Variants in CREB5 observed in about 807,000 individuals in gnomAD.
CREB5 encodes the protein cyclic AMP-responsive element-binding protein 5.
Under a neutral mutation model 57.1 loss-of-function variants are expected in CREB5, and 19 were observed. The ratio of observed to expected loss-of-function variants is 0.33; its 90% CI spans 0.23 to 0.49. The LOEUF (loss-of-function observed/expected upper bound fraction) is 0.49. Ranked by LOEUF, CREB5 falls within the 20% of genes least tolerant of loss-of-function variation. CREB5 has a pLI of 0.99. For missense variants in CREB5, 579 were observed against 671.6 expected (o/e 0.86, Z 1.52); for synonymous variants, 238 against 238.3 (o/e 1.00, Z 0.01).
chr7:28,560,879 C>CGTGCGTGCGCGCGTGCGT, intron 4 of CREB5, among the ~76,000 whole-genome samples: 1 of 22,054 alleles, frequency 4.5e-5, no homozygotes, highest in South Asian at 2.8e-3. Flanking sequence ...CGTGCGCGTG[C>CGTGCGTGCGCGCGTGCGT]GTGCGTGCGT....
At position 28,412,683 on chromosome 7, in the gene CREB5, A is replaced by G. The variant is rs1243329954; in HGVS notation, c.-232A>G. Reference sequence around the variant, plus strand: ...AAACTTAGAGAACGAGGGAGGTACCAGAGTCTAGGAGGTACCTCTGGGTTG... The same window carrying G: ...AAACTTAGAGAACGAGGGAGGTACCGGAGTCTAGGAGGTACCTCTGGGTTG... On this transcript the variant is annotated 5_prime_UTR_variant, in exon 1 of 11. Coordinates refer to ENST00000357727, the MANE Select transcript of CREB5 (RefSeq NM_182898.4). 3 of 385,046 alleles carry G rather than the reference A, an allele frequency of 7.8e-6. No homozygotes were observed. Among genetic ancestry groups the G allele is most frequent in the Non-Finnish European group, 1.4e-5 (3 of 217,696 alleles). 23.9% of individuals were successfully genotyped at this position (385,046 alleles called of 1,614,324 possible).
intron 1 of CREB5, among the ~76,000 whole-genome samples, chr7:28,421,282 T>C (rs1788235376): frequency 6.6e-6 from 1 of 152,214 alleles, no homozygotes; most frequent in African/African-American, 2.4e-5. Flanking sequence ...CCTAGGATAA[T>C]GGCCTCAGTT....
intron 1 of CREB5, among the ~76,000 whole-genome samples, chr7:28,353,476 A>G (rs947768241): frequency 7.2e-5 from 11 of 152,204 alleles, no homozygotes; most frequent in Non-Finnish European, 1.3e-4. Flanking sequence ...AACAAGGAAG[A>G]CTAGCCGGGT....
chr7:28,515,323 T>C (rs1275929626), intron 4 of CREB5, among the ~76,000 whole-genome samples: 1 of 152,192 alleles, frequency 6.6e-6, no homozygotes, highest in Admixed American at 6.5e-5. Context: ...TGCCTCCCTG[T>C]CTTTTGGATG....
chr7:28,619,783 T>C (rs28569059), intron 5 of CREB5, among the ~76,000 whole-genome samples: 2,411 of 152,240 alleles, frequency 0.016, 59 homozygotes, highest in African/African-American at 0.054. Context: ...TTTCCAAGTC[T>C]TGTGGGGAGC....
At chr7:28,441,863 G>T (rs1789198430) in intron 1 of CREB5, among the ~76,000 whole-genome samples, 2 of 152,152 alleles carry the variant, frequency 1.3e-5, no homozygotes, top group African/African-American at 4.8e-5. Flanking sequence ...GATACAGAGT[G>T]ATATTTTGTA....
chr7:28,727,775 G>C (rs1803406382), intron 7 of CREB5, among the ~76,000 whole-genome samples: 5 of 152,134 alleles, frequency 3.3e-5, no homozygotes. Context: ...AAATGATGGA[G>C]GGCTCTGACC....
chr7:28,560,987 T>TGCGTGTGTGCGCGTGCGTGTGTGC lies in CREB5; in HGVS notation c.292-9377_292-9376insCGTGTGTGCGCGTGCGTGTGTGCG, dbSNP rs1212595303. On this transcript the variant is annotated intron_variant, in intron 4 of 10. Transcript: ENST00000357727. ...GTGTGTGTGTGCGTGTGTGCGTGCGTGTGTGTGCCTGCGTGTGCGTGTGTG... is the reference window on the plus strand; with the variant it reads ...GTGTGTGTGTGCGTGTGTGCGTGCGTGCGTGTGTGCGCGTGCGTGTGTGCGTGTGTGCCTGCGTGTGCGTGTGTG... 4.7e-5 allele frequency among the ~76,000 whole-genome samples: 3 copies of TGCGTGTGTGCGCGTGCGTGTGTGC among 64,454 alleles called. 1 individual carries two copies. The highest frequency in any genetic ancestry group is 1.1e-4 in the Non-Finnish European group (3 of 28,414). The allele number at this position is 64,454 out of a possible 152,430, so 42.3% of individuals were successfully genotyped here. A position where few individuals can be genotyped will look rare whatever the true frequency, so the allele number is the denominator to read the frequency against.
At chr7:28,633,216 G>T (rs1798271407) in intron 5 of CREB5, among the ~76,000 whole-genome samples, 1 of 152,148 alleles carries the variant, frequency 6.6e-6, no homozygotes, top group Non-Finnish European at 1.5e-5. Context: ...AAACAGACTG[G>T]TTGGCTATAT....
chr7:28,638,898 C>A (rs1583461330), intron 5 of CREB5, among the ~76,000 whole-genome samples: 1 of 152,122 alleles, frequency 6.6e-6, no homozygotes, highest in African/African-American at 2.4e-5. Context: ...TACTTCTTCC[C>A]AAATCCCAGA....
chr7:28,374,745 T>C (rs1385388252), intron 1 of CREB5, among the ~76,000 whole-genome samples: 2 of 152,134 alleles, frequency 1.3e-5, no homozygotes, highest in East Asian at 1.9e-4. Context: ...TCGTCAGTCA[T>C]AGTATTATAG....
Position 28,555,757 on chromosome 7 carries a change from A to C in CREB5, c.292-14608A>C, listed in dbSNP as rs181424215. Among the ~76,000 whole-genome samples, 4 of 152,340 alleles carry C rather than the reference A, an allele frequency of 2.6e-5. No individual in the cohort carries two copies. The East Asian group carries it at 7.7e-4, about 29-fold the overall frequency. ...GGGAAAGTTACAAAGCCTTTTGTCCAGGAATTCACTTACTGAAAGCTCCAG... is the reference window on the plus strand; with the variant it reads ...GGGAAAGTTACAAAGCCTTTTGTCCCGGAATTCACTTACTGAAAGCTCCAG... On this transcript the variant is annotated intron_variant, in intron 4 of 10. Coordinates refer to ENST00000357727, the MANE Select transcript of CREB5 (RefSeq NM_182898.4).
chr7:28,406,065 T>C (rs1787573621), intron 1 of CREB5, among the ~76,000 whole-genome samples: 1 of 152,140 alleles, frequency 6.6e-6, no homozygotes, highest in African/African-American at 2.4e-5. Context: ...AAAGAGACCA[T>C]TTTTTGTTTT....
intron 5 of CREB5, among the ~76,000 whole-genome samples, chr7:28,656,488 A>G (rs1799337912): frequency 6.6e-6 from 1 of 152,210 alleles, no homozygotes; most frequent in Non-Finnish European, 1.5e-5. Context: ...CTGCTTTGCA[A>G]TATTTCTAAG....
intron 1 of CREB5, among the ~76,000 whole-genome samples, chr7:28,343,611 A>G (rs1025950862): frequency 6.6e-6 from 1 of 152,136 alleles, no homozygotes; most frequent in Non-Finnish European, 1.5e-5. Flanking sequence ...CATTTTCTTT[A>G]TCCATTCATC....
chr7:28,451,128 A>G (rs1452572022), intron 1 of CREB5, among the ~76,000 whole-genome samples: 1 of 152,094 alleles, frequency 6.6e-6, no homozygotes, highest in Non-Finnish European at 1.5e-5. Context: ...GTGTCTATGG[A>G]GTGGGTGTGA....
chr7:28,635,135 G>A (rs191136914), intron 5 of CREB5, among the ~76,000 whole-genome samples: 20 of 152,236 alleles, frequency 1.3e-4, no homozygotes, highest in Admixed American at 1.2e-3. Context: ...AAGCTAGGAG[G>A]CCAAAGGCTT....
intron 4 of CREB5, among the ~76,000 whole-genome samples, chr7:28,532,759 A>G (rs1466825059): frequency 2.0e-5 from 3 of 152,238 alleles, no homozygotes; most frequent in Admixed American, 6.5e-5. Flanking sequence ...AGAGCACAGA[A>G]TTCCAAGCCA....
rs76533740 is a variant in CREB5 at position 28,450,841 on chromosome 7, G to A, written c.4-37334G>A. Among the ~76,000 whole-genome samples, 639 of 152,320 alleles carry A rather than the reference G, an allele frequency of 4.2e-3. 1 individual carries two copies. The highest frequency in any genetic ancestry group is 0.015 in the African/African-American group (606 of 41,558). ...TTTCTGATGTGATCGGGTGTTTGGA[G>A]TGGTTGGTGATGAAGTAGATGCATA... On this transcript the variant is annotated intron_variant, in intron 1 of 10. Coordinates refer to ENST00000357727, the MANE Select transcript of CREB5 (RefSeq NM_182898.4).
Sources: gnomAD v4.1 joint callset for allele counts (sites outside exome capture counted in the v4.1 genomes callset) on GRCh38, gnomAD v4.1.1 for gene constraint, MANE v1.5 for transcripts, NCBI Gene and HGNC (gene_info 2026-07-23, HGNC 2026-07-21) for gene names.